The following DNAH9 variants were observed in gnomAD, a reference collection of about 807,000 sequenced individuals.
The protein encoded by DNAH9 is DNAH9 variant protein.
A neutral mutation model predicts 471.6 loss-of-function variants in DNAH9; 345 were observed. The ratio of observed to expected loss-of-function variants is 0.73; its 90% CI spans 0.67 to 0.80. The LOEUF is 0.80. Ranked by LOEUF, DNAH9 falls within the 30% of genes least tolerant of loss-of-function variation. The probability of loss-of-function intolerance (pLI) is 0.00; values close to 1 mark genes in which losing one functional copy is unlikely to be tolerated. For missense variants in DNAH9, 5,407 were observed against 5,609.2 expected, an observed-to-expected ratio of 0.96 and a Z score of 1.15; for synonymous variants, 2,093 against 2,123.6, an observed-to-expected ratio of 0.99 and a Z score of 0.40.
intron 22 of DNAH9, among the ~76,000 whole-genome samples, chr17:11,698,956 A>G (rs1266275830): frequency 2.0e-5 from 3 of 152,220 alleles, no homozygotes; most frequent in East Asian, 3.9e-4. Flanking sequence ...GGTTTCAAGA[A>G]TGGGGTGGCT....
chr17:11,863,890 C>T (rs1480924916), intron 50 of DNAH9, among the ~76,000 whole-genome samples: 34 of 148,690 alleles, frequency 2.3e-4, no homozygotes, highest in East Asian at 1.6e-3. Flanking sequence ...TTTTTTATTG[C>T]GTCTATTTGA....
At chr17:11,812,064 T>C (rs1195517980) in intron 45 of DNAH9, among the ~76,000 whole-genome samples, 18 of 110,942 alleles carry the variant, frequency 1.6e-4, no homozygotes, top group Non-Finnish European at 2.6e-4. Flanking sequence ...TACACATACA[T>C]ACACACATAC....
chr17:11,608,434 T>C (rs969261781), intron 2 of DNAH9, 109 bp downstream of exon 2: 1 of 850,860 alleles, frequency 1.2e-6, no homozygotes, highest in Non-Finnish European at 1.8e-6. Context: ...ATCTCCTCGT[T>C]CTGCACACAA....
chr17:11,683,382 C>G (rs1490131531), intron 19 of DNAH9, among the ~76,000 whole-genome samples: 1 of 152,154 alleles, frequency 6.6e-6, no homozygotes, highest in African/African-American at 2.4e-5. Flanking sequence ...CCATGTTGGT[C>G]AGACTGGTCC....
Position 11,932,220 on chromosome 17 carries a change from C to T in DNAH9, c.12297+15C>T. 4 of 1,608,792 alleles carry T rather than the reference C, an allele frequency of 2.5e-6. No individual in the cohort carries two copies. The highest frequency in any genetic ancestry group is 2.2e-5 in the East Asian group (1 of 44,772). On this transcript the variant is annotated intron_variant, in intron 64 of 68. Transcript: ENST00000262442. This position sits in a 1 kb window ranked among gnomAD's most constrained non-coding sequence, Gnocchi z 4.3. ...CCAACGCAAAGGTAAAGGCCATGGACATTCAGGGACCAGCCAGGTTGGGAG... is the reference window on the plus strand; with the variant it reads ...CCAACGCAAAGGTAAAGGCCATGGATATTCAGGGACCAGCCAGGTTGGGAG...
chr17:11,941,059 G>T (rs1008264368), intron 66 of DNAH9, among the ~76,000 whole-genome samples: 1 of 152,192 alleles, frequency 6.6e-6, no homozygotes, highest in Non-Finnish European at 1.5e-5. Flanking sequence ...CATCCTGCCA[G>T]TGGTTCCTTG....
chr17:11,880,909 G>A (rs1972694259), intron 54 of DNAH9, among the ~76,000 whole-genome samples: 1 of 152,134 alleles, frequency 6.6e-6, no homozygotes, highest in African/African-American at 2.4e-5. Context: ...CCTTCCTCCA[G>A]ACACTTCACT....
intron 31 of DNAH9, 140 bp from the exon 32 acceptor site, chr17:11,747,416 T>C: frequency 3.1e-6 from 2 of 651,728 alleles, no homozygotes; most frequent in South Asian, 3.6e-5. Flanking sequence ...ATTTCAGACC[T>C]CCTGACATCT....
chr17:11,606,740 T>C (rs2072517775), intron 1 of DNAH9, among the ~76,000 whole-genome samples: 1 of 152,158 alleles, frequency 6.6e-6, no homozygotes, highest in African/African-American at 2.4e-5. Flanking sequence ...AATAGAAACC[T>C]AATTTAAACT....
intron 12 of DNAH9, among the ~76,000 whole-genome samples, chr17:11,650,686 G>A (rs1247910020): frequency 5.9e-5 from 9 of 152,170 alleles, no homozygotes; most frequent in Admixed American, 5.9e-4. Context: ...GGTAGCCCAG[G>A]CCAGATGATT....
intron 33 of DNAH9, among the ~76,000 whole-genome samples, chr17:11,753,889 G>A (rs1967262482): frequency 6.6e-6 from 1 of 152,120 alleles, no homozygotes; most frequent in Non-Finnish European, 1.5e-5. Flanking sequence ...ACAGGGGTTT[G>A]TTGTACACAT....
intron 45 of DNAH9, among the ~76,000 whole-genome samples, chr17:11,819,201 A>G (rs914761223): frequency 6.6e-6 from 1 of 152,130 alleles, no homozygotes. Flanking sequence ...CTTGCGAAAC[A>G]ATTTGGACAA....
At chr17:11,609,045 A>C (rs1034630460) in intron 2 of DNAH9, among the ~76,000 whole-genome samples, 6 of 152,118 alleles carry the variant, frequency 3.9e-5, no homozygotes, top group African/African-American at 1.4e-4. Context: ...ATTTTGCTAT[A>C]TTTCATCCAG....
intron 12 of DNAH9, 119 bp downstream of exon 12, chr17:11,647,317 G>A (rs1431967022): frequency 9.6e-7 from 1 of 1,036,668 alleles, no homozygotes; most frequent in African/African-American, 1.6e-5. Context: ...TTGTCGCCCA[G>A]GCTGGAGTGC....
At position 11,891,890 on chromosome 17, in the gene DNAH9, C is replaced by A; in HGVS notation, c.11226C>A (p.Thr3742=). 1 of 1,614,054 alleles carries A rather than the reference C, an allele frequency of 6.2e-7. No homozygotes were observed. The highest frequency in any genetic ancestry group is 8.5e-7 in the Non-Finnish European group (1 of 1,179,994). ...TAACCTTCTCTGTGTACCAGTACACCATCCGCGGGCTCTTTGAGTGTGATA... is the reference window on the plus strand; with the variant it reads ...TAACCTTCTCTGTGTACCAGTACACAATCCGCGGGCTCTTTGAGTGTGATA... The part of the protein sequence containing the change: ...DSITFSVYQY[T]IRGLFECDKL... Residue 3742 remains threonine (T), a synonymous_variant, in exon 58 of 69, where the codon ACC becomes ACA. Transcript: ENST00000262442.
chr17:11,763,680 C>T (rs1382521460), intron 36 of DNAH9, 66 bp downstream of exon 36: 7 of 1,473,066 alleles, frequency 4.8e-6, no homozygotes, highest in Non-Finnish European at 6.5e-6. Context: ...GATCCTTTAG[C>T]AAAGATTTGG....
At chr17:11,737,069 C>T (rs1166897053) in intron 28 of DNAH9, among the ~76,000 whole-genome samples, 2 of 152,220 alleles carry the variant, frequency 1.3e-5, no homozygotes, top group East Asian at 1.9e-4. Flanking sequence ...GTGAGCCCCA[C>T]GCAAACCAGC....
chr17:11,805,523 C>CTTTTTTTTTTTTTTTTTTTTTTTTTTTTT (rs773842478), intron 43 of DNAH9, among the ~76,000 whole-genome samples: 1 of 52,092 alleles, frequency 1.9e-5, no homozygotes, highest in Non-Finnish European at 3.4e-5. Context: ...TACCCGAGTT[C>CTTTTTTTTTTTTTTTTTTTTTTTTTTTTT]TTTTTTTTTT....
intron 59 of DNAH9, among the ~76,000 whole-genome samples, chr17:11,897,054 T>A (rs1973243896): frequency 6.6e-6 from 1 of 152,146 alleles, no homozygotes; most frequent in African/African-American, 2.4e-5. Context: ...CACTTTGCGC[T>A]CCAGCCTGGA....
Sources: gnomAD v4.1 joint callset for allele counts (sites outside exome capture counted in the v4.1 genomes callset) on GRCh38, gnomAD v4.1.1 for gene constraint, Gnocchi (gnomAD v3.1) non-coding constraint, MANE v1.5 for transcripts, NCBI Gene and HGNC (gene_info 2026-07-23, HGNC 2026-07-21) for gene names.